Variants in TIMELESS observed in about 807,000 individuals in gnomAD.
TIMELESS encodes protein timeless homolog.
In TIMELESS, 124 loss-of-function variants were observed where a neutral mutation model predicts 164.3. That is an observed-to-expected ratio of 0.75 (90% CI 0.65 to 0.88). The LOEUF (loss-of-function observed/expected upper bound fraction) is 0.88, where lower values mean the gene tolerates loss of function less well. Ranked by LOEUF, TIMELESS falls within the 40% of genes least tolerant of loss-of-function variation. The probability of loss-of-function intolerance (pLI) is 0.00; values close to 1 mark genes in which losing one functional copy is unlikely to be tolerated. For missense variants in TIMELESS, 1,422 were observed against 1,491.4 expected, an observed-to-expected ratio of 0.95 and a Z score of 0.77; for synonymous variants, 564 against 563.4, an observed-to-expected ratio of 1.00 and a Z score of -0.02.
chr12:56,429,667 ATTT>A (rs5798377), intron 10 of TIMELESS, among the ~76,000 whole-genome samples: 48 of 137,652 alleles, frequency 3.5e-4, no homozygotes, highest in Non-Finnish European at 3.7e-4. Context: ...ATGCCGGCTA[ATTT>A]TTTTTTTTTT....
In TIMELESS at chr12:56,417,512, T is replaced by TA. The variant is rs1253306824; in HGVS notation, c.*203dup. On this transcript the variant is annotated 3_prime_UTR_variant, in exon 29 of 29. Transcript: ENST00000553532. ...CCAGAGAGCTGCTGGGGCATACCGA[T>TA]AAAAACTGGGAGAAACAAAGACTGA... is the stretch of plus-strand genomic sequence containing the variant. 2 of 571,398 alleles carry TA rather than the reference T, an allele frequency of 3.5e-6. No individual in the cohort carries two copies. The highest frequency in any genetic ancestry group is 6.2e-6 in the Non-Finnish European group (2 of 321,338). The allele number at this position is 571,398 out of a possible 1,614,324, so 35.4% of individuals were successfully genotyped here. A position where few individuals can be genotyped will look rare whatever the true frequency, so the allele number is the denominator to read the frequency against.
chr12:56,424,784 G>A lies in TIMELESS; in HGVS notation c.1846C>T (p.Leu616=). The change falls in exon 15 of 29, where the codon CTG becomes TTG. Residue 616 remains leucine (L), a synonymous_variant. Coordinates refer to ENST00000553532, the MANE Select transcript of TIMELESS (RefSeq NM_003920.5). ...CLLAGQAPQA[L]TLLRSAREVW... is the part of the protein sequence containing the mutation. ...TACCGAGCAGACCTCAGGAGAGTCA[G>A]GGCCTGTGGGGCCTGGCCAGCCAGG... The A allele has an allele frequency of 1.2e-6, 2 of 1,614,136 alleles. No individual in the cohort carries two copies. The highest frequency in any genetic ancestry group is 2.2e-5 in the East Asian group (1 of 44,880).
At chr12:56,448,952 G>A (rs540452839) in intron 1 of TIMELESS, among the ~76,000 whole-genome samples, 1 of 152,254 alleles carries the variant, frequency 6.6e-6, no homozygotes, top group Admixed American at 6.5e-5. Context: ...GCCACACACC[G>A]GTTTTTTTCA....
rs772950563 is a variant in TIMELESS at position 56,430,127 on chromosome 12, T to A, written c.1064A>T (p.Asn355Ile). ...CACCTTTACTGATCCCATGAGCCGGTTGTAACAGTTCTCCAGGAACTCAGA... is the reference window on the plus strand; with the variant it reads ...CACCTTTACTGATCCCATGAGCCGGATGTAACAGTTCTCCAGGAACTCAGA... ...FCSEFLENCY[N>I]RLMGSVKDHL... is the part of the protein sequence containing the mutation. The change falls in exon 10 of 29, where the codon AAC (asparagine) becomes ATC (isoleucine). Residue 355 changes from asparagine (N) to isoleucine (I), a missense_variant. Physicochemically the swap from Asn to Ile is moderately radical, Grantham distance 149. Coordinates refer to ENST00000553532, the MANE Select transcript of TIMELESS (RefSeq NM_003920.5). The A allele has an allele frequency of 2.5e-6, 4 of 1,613,364 alleles. No individual in the cohort carries two copies. In the African/African-American group the frequency reaches 5.3e-5, roughly 22 times the overall value.
At chr12:56,437,666 A>G (rs1186503057) in intron 1 of TIMELESS, among the ~76,000 whole-genome samples, 3 of 152,148 alleles carry the variant, frequency 2.0e-5, no homozygotes, top group Non-Finnish European at 4.4e-5. Context: ...CCAAAACAAA[A>G]AGTAAGCTAA....
chr12:56,423,925 C>A, intron 15 of TIMELESS, 31 bp from the exon 16 acceptor site: 1 of 1,578,782 alleles, frequency 6.3e-7, no homozygotes, highest in Non-Finnish European at 8.7e-7. Flanking sequence ...AGGCTTTACC[C>A]AGGGGAAATC....
At chr12:56,428,847 C>A in intron 11 of TIMELESS, 36 bp downstream of exon 11, 1 of 1,602,244 alleles carries the variant, frequency 6.2e-7, no homozygotes, top group South Asian at 1.1e-5. Flanking sequence ...ATTCAGATCC[C>A]TAGCTCACTG....
intron 1 of TIMELESS, among the ~76,000 whole-genome samples, chr12:56,443,097 GAAC>G (rs1465066878): frequency 6.6e-6 from 1 of 152,114 alleles, no homozygotes; most frequent in African/African-American, 2.4e-5. Context: ...AGAAAGAACA[GAAC>G]AACAGCGATT....
chr12:56,429,486 C>T (rs753498215), intron 10 of TIMELESS, among the ~76,000 whole-genome samples: 1 of 148,522 alleles, frequency 6.7e-6, no homozygotes, highest in Non-Finnish European at 1.5e-5. Flanking sequence ...GCGTGAGCCA[C>T]TGCGCCTGGT....
At chr12:56,447,193 T>G (rs939261367) in intron 1 of TIMELESS, among the ~76,000 whole-genome samples, 256 of 146,630 alleles carry the variant, frequency 1.7e-3, no homozygotes, top group African/African-American at 5.5e-3. Context: ...TTTTTTTTTT[T>G]TTTTTTTTTT....
intron 1 of TIMELESS, 77 bp from the exon 2 acceptor site, chr12:56,434,308 G>T: frequency 5.8e-6 from 4 of 689,134 alleles, no homozygotes; most frequent in Non-Finnish European, 1.0e-5. Flanking sequence ...AGGCCCTAAT[G>T]CTCAGAATAT....
At chr12:56,443,593 G>A (rs1565689575) in intron 1 of TIMELESS, among the ~76,000 whole-genome samples, 1 of 152,276 alleles carries the variant, frequency 6.6e-6, no homozygotes, top group South Asian at 2.1e-4. Context: ...TTTGAAGCAT[G>A]TGATCTCTGT....
chr12:56,422,978 A>G lies in TIMELESS; in HGVS notation c.2307T>C (p.Phe769=), dbSNP rs769445219. The change falls in exon 19 of 29, where the codon TTT becomes TTC. Residue 769 remains phenylalanine (F), a synonymous_variant. Transcript: ENST00000553532. ...AAAATTTGCCCAGGATGTATTTGGC[A>G]AAAGTCACTAGCTCCTGTAGGAGAA... ...AAGAYKELVT[F]AKYILGKFFA... 5 of 1,613,800 alleles carry G rather than the reference A, an allele frequency of 3.1e-6. No individual in the cohort carries two copies. The highest frequency in any genetic ancestry group is 4.2e-6 in the Non-Finnish European group (5 of 1,179,908).
At chr12:56,431,023 C>T in intron 8 of TIMELESS, 55 bp from the exon 9 acceptor site, 3 of 1,245,450 alleles carry the variant, frequency 2.4e-6, no homozygotes. Context: ...AACTTTATCT[C>T]CATTCTCTAT....
At chr12:56,438,564 G>T (rs1382395152) in intron 1 of TIMELESS, among the ~76,000 whole-genome samples, 2 of 151,782 alleles carry the variant, frequency 1.3e-5, no homozygotes, top group African/African-American at 4.8e-5. Context: ...TTGAGCCCAG[G>T]AGTTTAAGAC....
At position 56,428,428 on chromosome 12, in the gene TIMELESS, G is replaced by T. The variant is rs777896329; in HGVS notation, c.1409-23C>A. 2.5e-6 allele frequency: 4 copies of T among 1,605,224 alleles called. No homozygotes were observed. The South Asian group carries it at 3.3e-5, about 13-fold the overall frequency. On this transcript the variant is annotated intron_variant, in intron 12 of 28. Coordinates refer to ENST00000553532, the MANE Select transcript of TIMELESS (RefSeq NM_003920.5). Reference sequence around the variant, plus strand: ...TGTCTAGGAATGGGGAAGAGAAAGGGATGGAAGGGCTATTCTGGAAAGCTT... The same window carrying T: ...TGTCTAGGAATGGGGAAGAGAAAGGTATGGAAGGGCTATTCTGGAAAGCTT...
intron 8 of TIMELESS, 112 bp downstream of exon 8, chr12:56,431,359 A>AG: frequency 1.0e-5 from 14 of 1,340,022 alleles, no homozygotes; most frequent in Non-Finnish European, 1.3e-5. Flanking sequence ...TGTCTCAAAA[A>AG]AAAAAAAAAA....
Position 56,423,684 on chromosome 12 carries a change from C to T in TIMELESS, c.1990G>A (p.Gly664Arg), listed in dbSNP as rs1320699879. ...LPRQQGPEER[G>R]AEEEEEEEEE... ...TCCTCCTCTTCTTCTTCCTCTGCCC[C>T]ACGTTCCTCTGGGCCCTGCTGCCCT... Residue 664 changes from glycine to arginine, a missense_variant, in exon 17 of 29, where the codon GGG (glycine) becomes AGG (arginine). Coordinates refer to ENST00000553532, the MANE Select transcript of TIMELESS (RefSeq NM_003920.5). 1.2e-6 allele frequency: 2 copies of T among 1,614,014 alleles called. No individual in the cohort carries two copies. The highest frequency in any genetic ancestry group is 1.7e-5 in the Admixed American group (1 of 59,984).
intron 26 of TIMELESS, 79 bp from the exon 27 acceptor site, chr12:56,418,438 A>T: frequency 9.5e-7 from 1 of 1,053,368 alleles, no homozygotes; most frequent in Non-Finnish European, 1.4e-6. Context: ...AATATATATG[A>T]CCCAATATTG....
Sources: gnomAD v4.1 joint callset for allele counts (sites outside exome capture counted in the v4.1 genomes callset) on GRCh38, gnomAD v4.1.1 for gene constraint, MANE v1.5 for transcripts, NCBI Gene and HGNC (gene_info 2026-07-23, HGNC 2026-07-21) for gene names.